The following MYO9A variants were observed in gnomAD, a reference collection of about 807,000 sequenced individuals.
MYO9A encodes unconventional myosin-IXa.
A neutral mutation model predicts 293.3 loss-of-function variants in MYO9A; 103 were observed. The observed-to-expected ratio is 0.35, with a 90% CI of 0.30 to 0.41. The LOEUF (loss-of-function observed/expected upper bound fraction) is 0.41. MYO9A is among the 10% of genes least tolerant of loss of function. MYO9A has a pLI of 1.00. For missense variants in MYO9A, 2,685 were observed against 3,033.0 expected, an observed-to-expected ratio of 0.89 and a Z score of 2.69; for synonymous variants, 1,001 against 1,035.7, an observed-to-expected ratio of 0.97 and a Z score of 0.64.
At chr15:72,043,392 G>A (rs2078285217) in intron 2 of MYO9A, among the ~76,000 whole-genome samples, 1 of 152,086 alleles carries the variant, frequency 6.6e-6, no homozygotes, top group Non-Finnish European at 1.5e-5. Context: ...AAATGCATAT[G>A]TCTACATAAA....
At chr15:71,960,427 C>T (rs956996270) in intron 13 of MYO9A, 4 of 244,592 alleles carry the variant, frequency 1.6e-5, no homozygotes, top group African/African-American at 9.0e-5. Context: ...CCTTCCACCA[C>T]AAGTAAAAGC....
intron 16 of MYO9A, among the ~76,000 whole-genome samples, chr15:71,938,503 T>C (rs559075060): frequency 7.2e-5 from 11 of 152,242 alleles, no homozygotes; most frequent in African/African-American, 2.4e-4. Context: ...TATTCAATTA[T>C]TACTTCCCAA....
At chr15:72,028,694 G>A (rs1242919901) in intron 3 of MYO9A, among the ~76,000 whole-genome samples, 3 of 87,692 alleles carry the variant, frequency 3.4e-5, no homozygotes, top group Non-Finnish European at 6.7e-5. Context: ...GATCCCTGAA[G>A]AAAGACTCTA....
rs1235805558 is a variant in MYO9A, at chr15:71,901,268, A to T, written c.3073T>A (p.Leu1025Met). ...LHQEVLRRIILLQRWFRVLLC... is the reference protein window; with the variant it reads ...LHQEVLRRIIMLQRWFRVLLC... ...AAGACCCTGAACCATCGCTGCAACA[A>T]TATGATTCTGCGGAGCACCTCTTGG... The change falls in exon 23 of 42, where the codon TTG (leucine) becomes ATG (methionine). Residue 1025 changes from leucine to methionine, a missense_variant. By Grantham distance (15) the Leu-to-Met change is conservative (BLOSUM62 2). Transcript: ENST00000356056. 1 of 1,613,986 alleles carries T rather than the reference A, an allele frequency of 6.2e-7. No homozygotes were observed. Among genetic ancestry groups the T allele is most frequent in the East Asian group, 2.2e-5 (1 of 44,880 alleles).
chr15:71,932,878 AGT>A (rs1362086965), intron 18 of MYO9A, among the ~76,000 whole-genome samples: 2 of 152,112 alleles, frequency 1.3e-5, no homozygotes, highest in East Asian at 1.9e-4. Context: ...GATATACCAC[AGT>A]GTGTTTATCC....
chr15:72,101,710 C>T (rs1396830690), intron 1 of MYO9A, among the ~76,000 whole-genome samples: 7 of 139,398 alleles, frequency 5.0e-5, no homozygotes, highest in South Asian at 4.6e-4. Context: ...GCCCCCCGCC[C>T]GGCCAGCCGC....
rs560574267 is a variant in MYO9A, at chr15:71,825,438, C to G, written c.*1142G>C. 2 of 139,320 alleles carry G rather than the reference C, an allele frequency of 1.4e-5. No homozygotes were observed. Among genetic ancestry groups the G allele is most frequent in the East Asian group, 4.8e-4 (2 of 4,182 alleles). The allele number at this position is 139,320 out of a possible 1,614,324, so 8.6% of individuals were successfully genotyped here. On this transcript the variant is annotated 3_prime_UTR_variant, in exon 42 of 42. Coordinates refer to ENST00000356056, the MANE Select transcript of MYO9A (RefSeq NM_006901.4). ...CAAGTAGTCCTTGATTTTTTTCCAT[C>G]TATTTAATACTGATAGTCTGAGAAA...
At chr15:71,963,004 C>T (rs2075782486) in intron 13 of MYO9A, among the ~76,000 whole-genome samples, 1 of 152,190 alleles carries the variant, frequency 6.6e-6, no homozygotes, top group Non-Finnish European at 1.5e-5. Flanking sequence ...ACCTCCTATA[C>T]TGCCCTTCTA....
chr15:72,100,529 GGCC>G lies in MYO9A; in HGVS notation c.-72+17148_-72+17150del, dbSNP rs557260430. 5.6e-3 allele frequency among the ~76,000 whole-genome samples: 828 copies of G among 147,118 alleles called. 9 individuals are homozygous for G. The highest frequency in any genetic ancestry group is 0.02 in the African/African-American group (781 of 39,370). On this transcript the variant is annotated intron_variant, in intron 1 of 41. Transcript: ENST00000356056. ...TAGGAGGTGAGGAGCGCCTCTTTCC[GGCC>G]GCCATCACATCTAGGAAGTGAGGAG...
At chr15:71,924,444 G>A (rs28717020) in intron 18 of MYO9A, among the ~76,000 whole-genome samples, 99,573 of 151,586 alleles carry the variant, frequency 0.66, 33,556 homozygotes, top group Middle Eastern at 0.74. Flanking sequence ...GGGTTTTACC[G>A]TGTTAGGCAG....
intron 1 of MYO9A, among the ~76,000 whole-genome samples, chr15:72,092,478 G>A (rs946683293): frequency 7.2e-5 from 11 of 152,184 alleles, no homozygotes; most frequent in African/African-American, 1.7e-4. Flanking sequence ...TCCGGAGGCT[G>A]AGGCAGCAGG....
chr15:71,988,262 G>C (rs1018270412), intron 11 of MYO9A, among the ~76,000 whole-genome samples: 1 of 152,150 alleles, frequency 6.6e-6, no homozygotes, highest in African/African-American at 2.4e-5. Context: ...TATGATTTAT[G>C]TAAGAGTTTT....
chr15:72,074,004 C>T (rs2079270962), intron 1 of MYO9A, among the ~76,000 whole-genome samples: 1 of 152,138 alleles, frequency 6.6e-6, no homozygotes, highest in Admixed American at 6.5e-5. Flanking sequence ...TGGTCTCTGT[C>T]CCAACTACTC....
chr15:72,114,623 A>T (rs2080902600), intron 1 of MYO9A: 1 of 152,206 alleles, frequency 6.6e-6, no homozygotes, highest in Non-Finnish European at 1.5e-5. Flanking sequence ...TGGGGGGAAA[A>T]GAGGCAGGAA....
intron 14 of MYO9A, among the ~76,000 whole-genome samples, chr15:71,957,603 C>T (rs2059233809): frequency 6.6e-6 from 1 of 151,912 alleles, no homozygotes; most frequent in African/African-American, 2.4e-5. Context: ...AGTATCTGGT[C>T]ATTTTTGAAA....
intron 9 of MYO9A, among the ~76,000 whole-genome samples, chr15:71,995,622 A>G (rs761535948): frequency 7.9e-5 from 12 of 152,028 alleles, no homozygotes; most frequent in Non-Finnish European, 1.2e-4. Context: ...CTTAGCACTT[A>G]GAAGAATATA....
chr15:72,077,744 AAAAAAAAAATATATATAT>A (rs907901531), intron 1 of MYO9A, among the ~76,000 whole-genome samples: 7 of 41,330 alleles, frequency 1.7e-4, no homozygotes, highest in East Asian at 1.2e-3. Context: ...AAAAAAAAAA[AAAAAAAAAATATATATAT>A]ATATATATAT....
At chr15:71,992,747 A>T (rs1324504225) in intron 10 of MYO9A, among the ~76,000 whole-genome samples, 2 of 151,994 alleles carry the variant, frequency 1.3e-5, no homozygotes, top group Non-Finnish European at 2.9e-5. Context: ...ATGATTAAAT[A>T]CCTATAATCT....
In MYO9A at chr15:71,976,070, G is replaced by T. The variant is rs1026704407; in HGVS notation, c.1844+2101C>A. 3.3e-5 allele frequency among the ~76,000 whole-genome samples: 5 copies of T among 152,210 alleles called. 1 individual carries two copies. Among genetic ancestry groups the T allele is most frequent in the Non-Finnish European group, 5.9e-5 (4 of 68,046 alleles). On this transcript the variant is annotated intron_variant, in intron 12 of 41. Transcript: ENST00000356056. ...GTTGGTCAGAAGTTCTGGAGGCATG[G>T]ATTACAGGCGGGGGTCTGAAGGTGG...
Sources: allele counts gnomAD v4.1 joint callset (sites outside exome capture counted in the v4.1 genomes callset), GRCh38; gene constraint gnomAD v4.1.1; transcripts MANE v1.5; gene names NCBI Gene and HGNC (gene_info 2026-07-23, HGNC 2026-07-21).